Variants in RHAG observed in about 807,000 individuals in gnomAD.
RHAG encodes ammonium transporter Rh type A.
In RHAG, 25 loss-of-function variants were observed where a neutral mutation model predicts 42.4. That is an observed-to-expected ratio of 0.59 (90% CI 0.43 to 0.82). The LOEUF is 0.82. Among genes scored for constraint, RHAG ranks in the 40% least tolerant of loss-of-function variants. RHAG has a pLI of 0.00. For synonymous variants in RHAG, 182 were observed against 177.7 expected, an observed-to-expected ratio of 1.02 and a Z score of -0.19; for missense variants, 483 against 504.6, an observed-to-expected ratio of 0.96 and a Z score of 0.41.
At position 49,611,050 on chromosome 6, in the gene RHAG, C is replaced by T. The variant is rs1762561837; in HGVS notation, c.1041G>A (p.Val347=). The change falls in exon 7 of 10, where the codon GTG becomes GTA. Residue 347 remains valine (V), a synonymous_variant. Coordinates refer to ENST00000371175, the MANE Select transcript of RHAG (RefSeq NM_000324.3). ...PGVVGGLAGI[V]AVAMGASNTS... ...TGTTGGAGGCGCCCATTGCTACTGC[C>T]ACAATGCCTGCAAGGCCTCCCACTA... 2 of 1,613,756 alleles carry T rather than the reference C, an allele frequency of 1.2e-6. No individual in the cohort carries two copies.
intron 1 of RHAG, among the ~76,000 whole-genome samples, chr6:49,629,732 G>A (rs1762904929): frequency 6.6e-6 from 1 of 152,228 alleles, no homozygotes; most frequent in Non-Finnish European, 1.5e-5. Context: ...ATCGAGCGCA[G>A]CGCAGGTGGG....
intron 3 of RHAG, among the ~76,000 whole-genome samples, chr6:49,617,278 C>T (rs1165797636): frequency 6.6e-6 from 1 of 152,198 alleles, no homozygotes; most frequent in Non-Finnish European, 1.5e-5. Context: ...GGAACCCCTC[C>T]TTGATTCTAC....
rs779145126 is a variant in RHAG at position 49,615,611 on chromosome 6, T to G, written c.640+13A>C. The G allele has an allele frequency of 2.5e-6, 4 of 1,614,014 alleles. No individual in the cohort carries two copies. The highest frequency in any genetic ancestry group is 3.4e-6 in the Non-Finnish European group (4 of 1,179,914). The stretch of plus-strand genomic sequence containing the variant: ...CAAATAGATAAGATTCAAGCAAGTT[T>G]ATCCACACTCACCAATCATTGCAAA... On this transcript the variant is annotated intron_variant, in intron 4 of 9. Transcript: ENST00000371175.
chr6:49,611,295 G>T, intron 6 of RHAG, 150 bp from the exon 7 acceptor site: 1 of 623,338 alleles, frequency 1.6e-6, no homozygotes. Context: ...ACAACATGAT[G>T]TTATGAGATA....
chr6:49,615,798 A>G, intron 3 of RHAG, 27 bp from the exon 4 acceptor site: 1 of 1,610,076 alleles, frequency 6.2e-7, no homozygotes, highest in Non-Finnish European at 8.5e-7. Context: ...CATTCACATA[A>G]ATAGAGGTGA....
rs1156856359 is a variant in RHAG at position 49,606,839 on chromosome 6, G to C, written c.1212+9C>G. On this transcript the variant is annotated intron_variant, in intron 9 of 9. Transcript: ENST00000371175. ...CGTTCACATTCTTGTTTAGAATACT[G>C]TACAGTACCTTCCAATAAACAGAAT... is the stretch of plus-strand genomic sequence containing the variant. The C allele has an allele frequency of 6.4e-7, 1 of 1,571,040 alleles. No individual in the cohort carries two copies. The highest frequency in any genetic ancestry group is 2.2e-5 in the East Asian group (1 of 44,636).
chr6:49,633,830 A>G (rs1477291467), intron 1 of RHAG, among the ~76,000 whole-genome samples: 1 of 152,112 alleles, frequency 6.6e-6, no homozygotes, highest in Non-Finnish European at 1.5e-5. Flanking sequence ...GTTTACAGCC[A>G]TGGCATTTTT....
At chr6:49,620,673 G>C (rs772907323) in intron 1 of RHAG, among the ~76,000 whole-genome samples, 3 of 151,980 alleles carry the variant, frequency 2.0e-5, no homozygotes, top group Non-Finnish European at 4.4e-5. Flanking sequence ...CTGGGATTAC[G>C]GGCGCATGCC....
At position 49,625,176 on chromosome 6, in the gene RHAG, A is replaced by G. The variant is rs556974223; in HGVS notation, c.158-5814T>C. ...GACTGATGTTAGTGAAGACCAAGAAATATTTTGGCAAATCTGTTGGAGACA... is the reference window on the plus strand; with the variant it reads ...GACTGATGTTAGTGAAGACCAAGAAGTATTTTGGCAAATCTGTTGGAGACA... On this transcript the variant is annotated intron_variant, in intron 1 of 9. Transcript: ENST00000371175. Among the ~76,000 whole-genome samples the G allele has an allele frequency of 7.9e-5, 12 of 152,352 alleles. No individual in the cohort carries two copies. The South Asian group carries it at 2.5e-3, about 32-fold the overall frequency.
At chr6:49,636,011 C>A (rs1763005176) in intron 1 of RHAG, among the ~76,000 whole-genome samples, 1 of 152,014 alleles carries the variant, frequency 6.6e-6, no homozygotes, top group African/African-American at 2.4e-5. Flanking sequence ...TATTTTACAG[C>A]CTACCCTTCC....
intron 7 of RHAG, among the ~76,000 whole-genome samples, chr6:49,609,795 T>C (rs913558053): frequency 6.6e-6 from 1 of 152,260 alleles, no homozygotes; most frequent in Non-Finnish European, 1.5e-5. Context: ...TATGCACCTC[T>C]AGTTAGTGAT....
intron 1 of RHAG, among the ~76,000 whole-genome samples, chr6:49,621,301 G>A (rs1198219711): frequency 1.3e-5 from 2 of 152,266 alleles, no homozygotes; most frequent in East Asian, 3.9e-4. Flanking sequence ...ATTCTCTCTG[G>A]AAAATGCTCT....
At chr6:49,628,405 A>G (rs1163486355) in intron 1 of RHAG, among the ~76,000 whole-genome samples, 1 of 152,104 alleles carries the variant, frequency 6.6e-6, no homozygotes, top group Non-Finnish European at 1.5e-5. Context: ...TCAGCCTCCC[A>G]AAGTGCAGGT....
rs760465474 is a variant in RHAG, at chr6:49,618,058, T to G, written c.492+10A>C. The G allele has an allele frequency of 6.2e-7, 1 of 1,613,032 alleles. No homozygotes were observed. Among genetic ancestry groups the G allele is most frequent in the Non-Finnish European group, 8.5e-7 (1 of 1,179,076 alleles). The stretch of plus-strand genomic sequence containing the variant: ...CAAAGCTAGGAAAGTATAAATTTTC[T>G]AACTCTTACCTTAAATATTTCACTA... On this transcript the variant is annotated intron_variant, in intron 3 of 9. Coordinates refer to ENST00000371175, the MANE Select transcript of RHAG (RefSeq NM_000324.3).
intron 1 of RHAG, among the ~76,000 whole-genome samples, chr6:49,625,109 C>G (rs1259053120): frequency 1.3e-5 from 2 of 152,198 alleles, no homozygotes; most frequent in Non-Finnish European, 2.9e-5. Flanking sequence ...ACTGAGTGAA[C>G]TCATTTTCCC....
At chr6:49,616,728 G>A (rs570510593) in intron 3 of RHAG, among the ~76,000 whole-genome samples, 3 of 152,258 alleles carry the variant, frequency 2.0e-5, no homozygotes, top group Middle Eastern at 3.4e-3. Flanking sequence ...TTGTTCCTTT[G>A]TTTACTAGAC....
chr6:49,609,953 G>C (rs1294948925), intron 7 of RHAG, among the ~76,000 whole-genome samples: 1 of 152,100 alleles, frequency 6.6e-6, no homozygotes, highest in Admixed American at 6.6e-5. Flanking sequence ...ATCATTCTCA[G>C]CACACTAACA....
intron 1 of RHAG, chr6:49,631,811 A>G (rs1038520304): frequency 6.6e-6 from 1 of 152,254 alleles, no homozygotes; most frequent in African/African-American, 2.4e-5. Context: ...TAGGTCATAT[A>G]TTACAGACAG....
At chr6:49,618,814 G>A (rs1762700443) in intron 2 of RHAG, among the ~76,000 whole-genome samples, 1 of 152,136 alleles carries the variant, frequency 6.6e-6, no homozygotes, top group African/African-American at 2.4e-5. Flanking sequence ...GTCTTAGTCT[G>A]CTTGGACTGC....
Sources: allele counts gnomAD v4.1 joint callset (sites outside exome capture counted in the v4.1 genomes callset), GRCh38; gene constraint gnomAD v4.1.1; transcripts MANE v1.5; gene names NCBI Gene and HGNC (gene_info 2026-07-23, HGNC 2026-07-21).